MYH10: variants seen among roughly 807,000 people sequenced by gnomAD.
MYH10 encodes the protein myosin-10.
A neutral mutation model predicts 257.8 loss-of-function variants in MYH10; 55 were observed. The observed-to-expected ratio is 0.21, with a 90% CI of 0.17 to 0.27. MYH10 has a LOEUF of 0.27. Among genes scored for constraint, MYH10 ranks in the 10% least tolerant of loss-of-function variants. The probability of loss-of-function intolerance (pLI) is 1.00; values close to 1 mark genes in which losing one functional copy is unlikely to be tolerated. For synonymous variants in MYH10, 854 were observed against 921.7 expected, an observed-to-expected ratio of 0.93 and a Z score of 1.33; for missense variants, 1,631 against 2,500.6, an observed-to-expected ratio of 0.65 and a Z score of 7.42.
At chr17:8,521,058 T>C in intron 18 of MYH10, 34 bp downstream of exon 18, 1 of 1,613,510 alleles carries the variant, frequency 6.2e-7, no homozygotes, top group Non-Finnish European at 8.5e-7. Context: ...TAGATCAGTT[T>C]TAAATACTAG....
chr17:8,538,159 C>G (rs924567318), intron 14 of MYH10, among the ~76,000 whole-genome samples: 30 of 152,338 alleles, frequency 2.0e-4, no homozygotes, highest in African/African-American at 7.2e-4. Context: ...AATTCCCCAT[C>G]ATCATAAACT....
At chr17:8,621,526 C>T (rs1486667880) in intron 2 of MYH10, among the ~76,000 whole-genome samples, 1 of 152,162 alleles carries the variant, frequency 6.6e-6, no homozygotes, top group Non-Finnish European at 1.5e-5. Context: ...TTGCGGTCAC[C>T]CTACACGTGG....
At chr17:8,544,836 G>T (rs573991273) in intron 13 of MYH10, among the ~76,000 whole-genome samples, 3 of 152,268 alleles carry the variant, frequency 2.0e-5, no homozygotes, top group Admixed American at 1.3e-4. Context: ...AATCTAGTCA[G>T]ATCAACAGTG....
At chr17:8,593,938 G>T (rs998051871) in intron 3 of MYH10, among the ~76,000 whole-genome samples, 1 of 152,154 alleles carries the variant, frequency 6.6e-6, no homozygotes, top group Non-Finnish European at 1.5e-5. Flanking sequence ...TTACTGTAAA[G>T]CTACTGTAAC....
In MYH10 at chr17:8,484,126, TAACA is replaced by T. The variant is rs1485585230; in HGVS notation, c.5175+8_5175+11del. On this transcript the variant is annotated splice_region_variant and intron_variant, in intron 37 of 42. Transcript: ENST00000360416. ...TATATTTGTTGAACAAATGGATAAG[TAACA>T]AACCAACCTCCTGCAATTGAAGGAT... 6.3e-7 allele frequency: 1 copy of T among 1,579,906 alleles called. No individual in the cohort carries two copies.
At chr17:8,557,054 G>A (rs1163739519) in intron 7 of MYH10, among the ~76,000 whole-genome samples, 2 of 151,988 alleles carry the variant, frequency 1.3e-5, no homozygotes, top group Non-Finnish European at 2.9e-5. Context: ...CGACTTTAGG[G>A]CCCTTCTCAC....
chr17:8,475,816 G>A lies in MYH10; in HGVS notation c.6012C>T (p.Pro2004=), dbSNP rs1912480972. 1.2e-6 allele frequency: 2 copies of A among 1,614,066 alleles called. No individual in the cohort carries two copies. Among genetic ancestry groups the A allele is most frequent in the African/African-American group, 1.3e-5 (1 of 75,012 alleles). ...KTSDVNETQP[P]QSE ...GCTTCCTGCAACTTTACTCTGACTG[G>A]GGTGGCTGCGTCTCGTTGACATCAC... Residue 2004 remains proline (P), a synonymous_variant, in exon 43 of 43, where the codon CCC becomes CCT. Transcript: ENST00000360416.
rs865829569 is a variant in MYH10, at chr17:8,626,627, A to T, written c.-31-3350T>A. 8.0e-4 allele frequency among the ~76,000 whole-genome samples: 119 copies of T among 148,638 alleles called. 1 individual carries two copies. The highest frequency in any genetic ancestry group is 2.1e-3 in the African/African-American group (86 of 40,826). Reference sequence around the variant, plus strand: ...TAATAATAAGTAAAATAAAAAATTTAAAAAAAAAGAAGAAAGGAGGCATGG... The same window carrying T: ...TAATAATAAGTAAAATAAAAAATTTTAAAAAAAAGAAGAAAGGAGGCATGG... On this transcript the variant is annotated intron_variant, in intron 1 of 42. Transcript: ENST00000360416.
chr17:8,478,262 G>T, intron 41 of MYH10, 76 bp downstream of exon 41: 1 of 1,270,158 alleles, frequency 7.9e-7, no homozygotes, highest in South Asian at 1.2e-5. Context: ...AATTCCACTG[G>T]TCAGTTGTGC....
chr17:8,511,041 T>TATATATATATATATAC lies in MYH10; in HGVS notation c.2953-1093_2953-1092insGTATATATATATATAT, dbSNP rs2081264188. On this transcript the variant is annotated intron_variant, in intron 24 of 42. Coordinates refer to ENST00000360416, the MANE Select transcript of MYH10 (RefSeq NM_001256012.3). ...ATATATATATATATATATATATATA[T>TATATATATATATATAC]ATATATATATATATATATACACACA... 4.7e-4 allele frequency: 4 copies of TATATATATATATATAC among 8,438 alleles called. No homozygotes were observed. In the Admixed American group the frequency reaches 5.9e-3, roughly 12 times the overall value. The allele number at this position is 8,438 out of a possible 1,614,324, so 0.5% of individuals were successfully genotyped here. A position where few individuals can be genotyped will look rare whatever the true frequency, so the allele number is the denominator to read the frequency against.
chr17:8,513,348 A>G (rs2081360072), intron 23 of MYH10, among the ~76,000 whole-genome samples, 190 bp downstream of exon 23: 1 of 152,262 alleles, frequency 6.6e-6, no homozygotes, highest in Admixed American at 6.5e-5. Context: ...TCTAAAATGC[A>G]AGGCAGAATG....
At chr17:8,518,822 T>A (rs1165773034) in intron 20 of MYH10, 31 bp from the exon 21 acceptor site, 2 of 1,603,022 alleles carry the variant, frequency 1.2e-6, no homozygotes, top group East Asian at 2.2e-5. Flanking sequence ...TTACTTTTTT[T>A]AACTACAAGA....
intron 2 of MYH10, among the ~76,000 whole-genome samples, chr17:8,621,863 TCTC>T (rs543634726): frequency 8.5e-5 from 13 of 152,302 alleles, no homozygotes; most frequent in African/African-American, 3.1e-4. Context: ...AGAAAGCCAT[TCTC>T]CTACTTACTC....
At position 8,490,346 on chromosome 17, in the gene MYH10, G is replaced by T; in HGVS notation, c.4878C>A (p.Ile1626=). 1.2e-6 allele frequency: 2 copies of T among 1,613,460 alleles called. No homozygotes were observed. Among genetic ancestry groups the T allele is most frequent in the South Asian group, 2.2e-5 (2 of 91,048 alleles). ...EQNEEKKRLL[I]KQVRELEAEL... ...GCCGCACCCTCTGCCCTACCTGTTT[G>T]ATCAGCAGCCGCTTCTTCTCTTCAT... Residue 1626 remains isoleucine (I), a synonymous_variant, in exon 35 of 43, where the codon ATC becomes ATA. Coordinates refer to ENST00000360416, the MANE Select transcript of MYH10 (RefSeq NM_001256012.3). This position sits in a 1 kb window ranked among gnomAD's most constrained non-coding sequence, Gnocchi z 4.1.
At chr17:8,536,523 T>C (rs562759958) in intron 14 of MYH10, among the ~76,000 whole-genome samples, 43 of 152,268 alleles carry the variant, frequency 2.8e-4, no homozygotes, top group Admixed American at 2.2e-3. Context: ...TTTTATGTGA[T>C]GCAATTATTA....
At chr17:8,511,593 T>C (rs1160518981) in intron 24 of MYH10, among the ~76,000 whole-genome samples, 1 of 152,200 alleles carries the variant, frequency 6.6e-6, no homozygotes, top group Non-Finnish European at 1.5e-5. Flanking sequence ...AATCAACACA[T>C]GGCCAACTTA....
intron 2 of MYH10, among the ~76,000 whole-genome samples, chr17:8,605,652 G>GAAAATCGCCTGA (rs2084769157): frequency 6.6e-6 from 1 of 152,156 alleles, no homozygotes; most frequent in Non-Finnish European, 1.5e-5. Context: ...GCTGAGGTAG[G>GAAAATCGCCTGA]AAAATCGCCT....
intron 21 of MYH10, among the ~76,000 whole-genome samples, chr17:8,516,871 G>A (rs2151893555): frequency 6.6e-6 from 1 of 152,320 alleles, no homozygotes; most frequent in South Asian, 2.1e-4. Context: ...GGGCACAGTG[G>A]CTCACGCCTG....
At chr17:8,567,650 A>G (rs1397685373) in intron 7 of MYH10, among the ~76,000 whole-genome samples, 1 of 152,186 alleles carries the variant, frequency 6.6e-6, no homozygotes, top group Non-Finnish European at 1.5e-5. Context: ...GGACACAGAC[A>G]CACACAGAGG....
Sources: gnomAD v4.1 joint callset for allele counts (sites outside exome capture counted in the v4.1 genomes callset) on GRCh38, gnomAD v4.1.1 for gene constraint, Gnocchi (gnomAD v3.1) non-coding constraint, MANE v1.5 for transcripts, NCBI Gene and HGNC (gene_info 2026-07-23, HGNC 2026-07-21) for gene names.